The following AHCYL1 variants were observed in gnomAD, a reference collection of about 807,000 sequenced individuals.
AHCYL1 encodes adenosylhomocysteinase like 1, also known as S-adenosylhomocysteine hydrolase-like protein 1.
Under a neutral mutation model 79.3 loss-of-function variants are expected in AHCYL1, and 20 were observed. That is an observed-to-expected ratio of 0.25 (90% confidence interval 0.18 to 0.37). The LOEUF (loss-of-function observed/expected upper bound fraction) is 0.37. Among genes scored for constraint, AHCYL1 ranks in the 10% least tolerant of loss-of-function variants. The pLI is 1.00. For synonymous variants in AHCYL1, 223 were observed against 242.2 expected (o/e 0.92, Z 0.74); for missense variants, 330 against 673.6 (o/e 0.49, Z 5.65).
intron 2 of AHCYL1, 54 bp from the exon 3 acceptor site, chr1:110,011,160 A>C: frequency 1.2e-6 from 2 of 1,603,612 alleles, no homozygotes; most frequent in Non-Finnish European, 1.7e-6. Context: ...CACTCTGTAG[A>C]GTTGGGGACC....
intron 1 of AHCYL1, among the ~76,000 whole-genome samples, chr1:109,997,545 G>A (rs1339886636): frequency 1.3e-5 from 2 of 152,132 alleles, no homozygotes; most frequent in Non-Finnish European, 2.9e-5. Flanking sequence ...AATAGTACCC[G>A]GGATAAAAAG....
intron 1 of AHCYL1, among the ~76,000 whole-genome samples, chr1:109,994,361 C>G (rs527798943): frequency 1.1e-4 from 16 of 152,376 alleles, no homozygotes; most frequent in African/African-American, 3.1e-4. Context: ...CTCCCGGGTT[C>G]AAACAGTTCT....
At position 110,009,018 on chromosome 1, in the gene AHCYL1, T is replaced by G; in HGVS notation, c.121-16T>G. On this transcript the variant is annotated splice_polypyrimidine_tract_variant and intron_variant, in intron 1 of 16. Transcript: ENST00000369799. ...TTCCTTATAAGTTTTCAACTTTTTG[T>G]CTTCCTTTTGTATAGCAAATCCAGT... is the stretch of plus-strand genomic sequence containing the variant. 2 of 1,596,714 alleles carry G rather than the reference T, an allele frequency of 1.3e-6. No homozygotes were observed. The highest frequency in any genetic ancestry group is 1.7e-6 in the Non-Finnish European group (2 of 1,167,170).
At chr1:110,006,415 ATT>A (rs1445275256) in intron 1 of AHCYL1, among the ~76,000 whole-genome samples, 1 of 152,214 alleles carries the variant, frequency 6.6e-6, no homozygotes, top group Non-Finnish European at 1.5e-5. Context: ...TTTGGAAGAA[ATT>A]ATGATGATAG....
Position 110,018,009 on chromosome 1 carries a change from T to C in AHCYL1, c.1116T>C (p.Thr372=), listed in dbSNP as rs1651532431. 2 of 1,614,196 alleles carry C rather than the reference T, an allele frequency of 1.2e-6. No homozygotes were observed. The highest frequency in any genetic ancestry group is 2.7e-5 in the African/African-American group (2 of 75,066). ...EVIRQVDVVI[T]CTGNKNVVTR... is the part of the protein sequence containing the mutation. ...TCCGGCAAGTCGATGTCGTAATAAC[T>C]TGCACAGGTAAATAACTTGCATAGA... is the stretch of plus-strand genomic sequence containing the variant. The change falls in exon 11 of 17, where the codon ACT becomes ACC. Residue 372 remains threonine (T), a synonymous_variant. Transcript: ENST00000369799.
At chr1:109,992,808 G>A (rs1570847007) in intron 1 of AHCYL1, among the ~76,000 whole-genome samples, 1 of 152,192 alleles carries the variant, frequency 6.6e-6, no homozygotes, top group East Asian at 1.9e-4. Context: ...AAATTCAGGA[G>A]CACAAAAATA....
chr1:110,006,722 T>C (rs535185929), intron 1 of AHCYL1, among the ~76,000 whole-genome samples: 1 of 152,208 alleles, frequency 6.6e-6, no homozygotes, highest in Admixed American at 6.5e-5. Context: ...TTCCACAGCA[T>C]CAGTTGTAAC....
intron 1 of AHCYL1, chr1:109,985,431 T>C (rs1462697868): frequency 8.4e-7 from 1 of 1,189,048 alleles, no homozygotes; most frequent in Non-Finnish European, 1.0e-6. Flanking sequence ...AATTTGCGAC[T>C]GACTTTTCCT....
At position 110,018,628 on chromosome 1, in the gene AHCYL1, A is replaced by G. The variant is rs988716460; in HGVS notation, c.1295A>G (p.Lys432Arg). 2 of 1,613,530 alleles carry G rather than the reference A, an allele frequency of 1.2e-6. No homozygotes were observed. The highest frequency in any genetic ancestry group is 2.7e-5 in the African/African-American group (2 of 74,876). Reference sequence around the variant, plus strand: ...GACCATGTCATCTGGCCAGATGGCAAACGAGTTGTCCTCCTGGCAGAGGTA... The same window carrying G: ...GACCATGTCATCTGGCCAGATGGCAGACGAGTTGTCCTCCTGGCAGAGGTA... ...QVDHVIWPDGKRVVLLAEGRL... is the reference protein window; with the variant it reads ...QVDHVIWPDGRRVVLLAEGRL... The change falls in exon 13 of 17, where the codon AAA becomes AGA. Residue 432 changes from lysine to arginine, a missense_variant. By Grantham distance (26) the Lys-to-Arg change is conservative. Around this residue, in one of 6 missense-constraint regions of AHCYL1, gnomAD observed 119 missense variants for 293.3 expected, o/e 0.41. Coordinates refer to ENST00000369799, the MANE Select transcript of AHCYL1 (RefSeq NM_006621.7).
chr1:110,023,737 A>G lies in AHCYL1; in HGVS notation c.*2057A>G, dbSNP rs1191645516. ...CATTAAAATCGATTAAAATGATAAG[A>G]CCTTATTGGCAGTCCGTATGTGTCA... On this transcript the variant is annotated 3_prime_UTR_variant, in exon 17 of 17. Coordinates refer to ENST00000369799, the MANE Select transcript of AHCYL1 (RefSeq NM_006621.7). 4 of 152,620 alleles carry G rather than the reference A, an allele frequency of 2.6e-5. No individual in the cohort carries two copies. The highest frequency in any genetic ancestry group is 9.7e-5 in the African/African-American group (4 of 41,446). The allele number at this position is 152,620 out of a possible 1,614,324, so 9.5% of individuals were successfully genotyped here.
intron 1 of AHCYL1, among the ~76,000 whole-genome samples, chr1:109,992,422 A>AAG (rs2101695235): frequency 6.6e-6 from 1 of 151,956 alleles, no homozygotes; most frequent in South Asian, 2.1e-4. Flanking sequence ...AAAAAAAAAA[A>AAG]AAAAAAAAGT....
intron 13 of AHCYL1, 36 bp from the exon 14 acceptor site, chr1:110,019,015 C>T: frequency 6.3e-7 from 1 of 1,595,606 alleles, no homozygotes; most frequent in South Asian, 1.1e-5. Context: ...GAATCTGAGA[C>T]AGAGCTCATC....
At chr1:110,015,668 C>A in intron 7 of AHCYL1, 137 bp downstream of exon 7, 1 of 669,778 alleles carries the variant, frequency 1.5e-6, no homozygotes, top group Non-Finnish European at 2.5e-6. Flanking sequence ...TGAGTTTTTA[C>A]TTTTGAAAAA....
In AHCYL1 at chr1:110,015,493, C is replaced by T. The variant is rs748985029; in HGVS notation, c.744C>T (p.Ile248=). The part of the protein sequence containing the change: ...YKKYPNVFKK[I]RGIVEESVTG... The stretch of plus-strand genomic sequence containing the variant: ...AGTATCCAAACGTGTTTAAGAAGAT[C>T]CGAGGCATTGTGGAAGAGAGCGTGA... Residue 248 remains isoleucine, a synonymous_variant, in exon 7 of 17, where the codon ATC becomes ATT. Transcript: ENST00000369799. 3.1e-6 allele frequency: 5 copies of T among 1,614,200 alleles called. No individual in the cohort carries two copies. Among genetic ancestry groups the T allele is most frequent in the Non-Finnish European group, 4.2e-6 (5 of 1,180,024 alleles).
At position 110,019,055 on chromosome 1, in the gene AHCYL1, G is replaced by T. The variant is rs546281118; in HGVS notation, c.1322G>T (p.Arg441Leu). The part of the protein sequence containing the change: ...GKRVVLLAEG[R>L]LLNLSCSTVP... ...GGCTCTCTCTTACCTTTCCAGGGTC[G>T]TCTACTCAATTTGAGCTGCTCCACA... The change falls in exon 14 of 17, where the codon CGT becomes CTT. Residue 441 changes from arginine to leucine, a missense_variant. Arg to Leu is a moderately radical substitution (Grantham distance 102). Around this residue, in one of 6 missense-constraint regions of AHCYL1, gnomAD observed 119 missense variants for 293.3 expected, o/e 0.41. Transcript: ENST00000369799. 6.2e-7 allele frequency: 1 copy of T among 1,613,928 alleles called. No homozygotes were observed. Among genetic ancestry groups the T allele is most frequent in the Non-Finnish European group, 8.5e-7 (1 of 1,179,996 alleles).
chr1:110,014,550 A>C (rs1344675914), intron 5 of AHCYL1, among the ~76,000 whole-genome samples: 2 of 152,272 alleles, frequency 1.3e-5, no homozygotes, highest in African/African-American at 4.8e-5. Flanking sequence ...GGAACACTTT[A>C]AGGTTCCAAA....
At position 110,019,054 on chromosome 1, in the gene AHCYL1, C is replaced by T; in HGVS notation, c.1321C>T (p.Arg441Cys). 1.9e-6 allele frequency: 3 copies of T among 1,614,084 alleles called. No homozygotes were observed. Among genetic ancestry groups the T allele is most frequent in the Non-Finnish European group, 2.5e-6 (3 of 1,179,986 alleles). ...GGGCTCTCTCTTACCTTTCCAGGGT[C>T]GTCTACTCAATTTGAGCTGCTCCAC... ...GKRVVLLAEG[R>C]LLNLSCSTVP... The change falls in exon 14 of 17, where the codon CGT (arginine) becomes TGT (cysteine). Residue 441 changes from arginine to cysteine, a missense_variant. Transcript: ENST00000369799.
intron 2 of AHCYL1, 38 bp from the exon 3 acceptor site, chr1:110,011,176 G>C: frequency 1.2e-6 from 2 of 1,610,746 alleles, no homozygotes; most frequent in East Asian, 2.2e-5. Context: ...GGACCACTGA[G>C]GTTTTTCTAT....
At chr1:109,987,800 G>A (rs1649552288) in intron 1 of AHCYL1, among the ~76,000 whole-genome samples, 1 of 152,076 alleles carries the variant, frequency 6.6e-6, no homozygotes, top group Admixed American at 6.6e-5. Context: ...GAGATGTCTG[G>A]GTGTCGAGAA....
Sources: gnomAD v4.1 joint callset for allele counts (sites outside exome capture counted in the v4.1 genomes callset) on GRCh38, gnomAD v4.1.1 for gene constraint, gnomAD v4.1.1 regional missense constraint, MANE v1.5 for transcripts, NCBI Gene and HGNC (gene_info 2026-07-23, HGNC 2026-07-21) for gene names.